FEZ2: variants seen among roughly 807,000 people sequenced by gnomAD.
FEZ2 encodes fasciculation and elongation protein zeta-2.
A neutral mutation model predicts 40.4 loss-of-function variants in FEZ2; 51 were observed. That is an observed-to-expected ratio of 1.26 (90% CI 1.01 to 1.59). The LOEUF (loss-of-function observed/expected upper bound fraction) is 1.59, where lower values mean the gene tolerates loss of function less well. Among genes scored for constraint, FEZ2 ranks in the 40% most tolerant of loss-of-function variants. The probability of loss-of-function intolerance (pLI) is 0.00; values close to 1 mark genes in which losing one functional copy is unlikely to be tolerated. For synonymous variants in FEZ2, 242 were observed against 172.0 expected (o/e 1.41, Z -3.18); for missense variants, 640 against 438.3 (o/e 1.46, Z -4.11).
intron 5 of FEZ2, chr2:36,559,222 A>G (rs1483530026): frequency 6.6e-6 from 1 of 152,248 alleles, no homozygotes; most frequent in Non-Finnish European, 1.5e-5. Context: ...ACTACTTGTA[A>G]AGGCTCACAA....
intron 5 of FEZ2, chr2:36,561,435 G>A (rs1668090664): frequency 6.6e-6 from 1 of 152,204 alleles, no homozygotes; most frequent in African/African-American, 2.4e-5. Context: ...GCTTCCTGGA[G>A]AGCAGAGTGG....
chr2:36,587,334 T>C (rs191283217), intron 2 of FEZ2, among the ~76,000 whole-genome samples: 58 of 152,328 alleles, frequency 3.8e-4, no homozygotes, highest in Non-Finnish European at 6.6e-4. Context: ...CTGGCTGTCA[T>C]GGGTATCATT....
intron 1 of FEZ2, among the ~76,000 whole-genome samples, chr2:36,593,876 C>T (rs1016274273): frequency 6.6e-6 from 1 of 151,526 alleles, no homozygotes; most frequent in Non-Finnish European, 1.5e-5. Flanking sequence ...AGTCAGGCTG[C>T]AAATTTTCCA....
chr2:36,574,508 T>C (rs970602837), intron 5 of FEZ2, among the ~76,000 whole-genome samples: 2 of 151,150 alleles, frequency 1.3e-5, no homozygotes, highest in Non-Finnish European at 2.9e-5. Context: ...GATACAACAG[T>C]GATAATAGAA....
intron 7 of FEZ2, chr2:36,554,169 C>T (rs1667894915): frequency 2.1e-6 from 1 of 470,806 alleles, no homozygotes; most frequent in Non-Finnish European, 4.4e-6. Context: ...ACTGGGCTTA[C>T]AGACAGGAGC....
At chr2:36,581,265 C>T in intron 4 of FEZ2, 25 bp downstream of exon 4, 1 of 1,606,590 alleles carries the variant, frequency 6.2e-7, no homozygotes, top group Non-Finnish European at 8.5e-7. Flanking sequence ...GCACAGAAAT[C>T]ATTGATTTCA....
Position 36,583,389 on chromosome 2 carries a change from G to A in FEZ2, c.456C>T (p.Ser152=), listed in dbSNP as rs751241128. Residue 152 remains serine, a synonymous_variant, in exon 3 of 8, where the codon TCC becomes TCT. Transcript: ENST00000405912. ...EQLDMHSIIV[S]CVNDEPLFTA... ...TGAAGAGGGGTTCATCATTAACACAGGAGACGATGATTGAGTGCATATCCA... is the reference window on the plus strand; with the variant it reads ...TGAAGAGGGGTTCATCATTAACACAAGAGACGATGATTGAGTGCATATCCA... 6.9e-6 allele frequency: 11 copies of A among 1,604,342 alleles called. 1 individual carries two copies. The South Asian group carries it at 8.8e-5, about 13-fold the overall frequency.
chr2:36,559,023 G>C (rs1668026920), intron 5 of FEZ2: 1 of 152,188 alleles, frequency 6.6e-6, no homozygotes, highest in South Asian at 2.1e-4. Flanking sequence ...ACACACACTA[G>C]CTTCTTTCAG....
chr2:36,595,096 C>A (rs1202605675), intron 1 of FEZ2, among the ~76,000 whole-genome samples: 3 of 152,144 alleles, frequency 2.0e-5, no homozygotes, highest in African/African-American at 7.2e-5. Flanking sequence ...CTGCAGAATA[C>A]TCTTATAAGT....
At chr2:36,563,559 GT>G (rs1260595719) in intron 5 of FEZ2, among the ~76,000 whole-genome samples, 2 of 150,256 alleles carry the variant, frequency 1.3e-5, no homozygotes, top group Non-Finnish European at 1.5e-5. Flanking sequence ...GTCTGAGAAC[GT>G]GCTCCTATCA....
intron 2 of FEZ2, among the ~76,000 whole-genome samples, chr2:36,585,926 C>G (rs1461209735): frequency 6.6e-6 from 1 of 152,222 alleles, no homozygotes; most frequent in South Asian, 2.1e-4. Context: ...AGCATGTTAT[C>G]TGCTAAAAGA....
chr2:36,563,236 G>T (rs914610599), intron 5 of FEZ2, among the ~76,000 whole-genome samples: 10 of 152,194 alleles, frequency 6.6e-5, no homozygotes, highest in African/African-American at 2.4e-4. Context: ...AGGCTTAGGG[G>T]AAATTAGTGA....
chr2:36,558,602 A>G, intron 5 of FEZ2, 89 bp from the exon 6 acceptor site: 2 of 643,084 alleles, frequency 3.1e-6, no homozygotes, highest in Middle Eastern at 3.0e-4. Context: ...GGTCTATCTG[A>G]TAATATAAAA....
rs534997296 is a variant in FEZ2 at position 36,582,167 on chromosome 2, G to A, written c.493-736C>T. On this transcript the variant is annotated intron_variant, in intron 3 of 7. Coordinates refer to ENST00000405912, the MANE Select transcript of FEZ2 (RefSeq NM_005102.3). Reference sequence around the variant, plus strand: ...AAAGTTGAGAAGGATATAGAACTCAGCGAAAATGTAAAGGAAACCCAGGAA... The same window carrying A: ...AAAGTTGAGAAGGATATAGAACTCAACGAAAATGTAAAGGAAACCCAGGAA... Among the ~76,000 whole-genome samples, 78 of 151,696 alleles carry A rather than the reference G, an allele frequency of 5.1e-4. 1 individual carries two copies. The South Asian group carries it at 0.016, about 31-fold the overall frequency.
chr2:36,579,526 G>T (rs1440209877), intron 4 of FEZ2, among the ~76,000 whole-genome samples: 2 of 151,892 alleles, frequency 1.3e-5, no homozygotes, highest in Non-Finnish European at 2.9e-5. Flanking sequence ...ATGAGACCTG[G>T]TTGTTTAAAA....
chr2:36,581,473 G>A, intron 3 of FEZ2, 42 bp from the exon 4 acceptor site: 1 of 1,589,312 alleles, frequency 6.3e-7, no homozygotes, highest in Non-Finnish European at 8.6e-7. Context: ...ATATACAAAA[G>A]GAAAATGATC....
At chr2:36,578,542 G>C (rs1357111754) in intron 5 of FEZ2, 55 bp downstream of exon 5, 2 of 1,559,324 alleles carry the variant, frequency 1.3e-6, no homozygotes, top group African/African-American at 1.4e-5. Flanking sequence ...CAAAGGCTGG[G>C]ACTACCACAG....
chr2:36,563,914 C>G (rs759615892), intron 5 of FEZ2, among the ~76,000 whole-genome samples: 1 of 152,204 alleles, frequency 6.6e-6, no homozygotes, highest in Non-Finnish European at 1.5e-5. Flanking sequence ...AGAGGGGCCA[C>G]TTTCTTCACT....
rs558355421 is a variant in FEZ2 at position 36,594,363 on chromosome 2, G to A, written c.267-3352C>T. On this transcript the variant is annotated intron_variant, in intron 1 of 7. Transcript: ENST00000405912. ...TATATTAGGTTATTTTCATGCAGCTGATAAAGACATACCCGAGACTGGGAA... is the reference window on the plus strand; with the variant it reads ...TATATTAGGTTATTTTCATGCAGCTAATAAAGACATACCCGAGACTGGGAA... 12 of 160,540 alleles carry A rather than the reference G, an allele frequency of 7.5e-5. No individual in the cohort carries two copies. In the South Asian group the frequency reaches 2.3e-3, roughly 30 times the overall value. The allele number at this position is 160,540 out of a possible 1,614,324, so 9.9% of individuals were successfully genotyped here.
Sources: gnomAD v4.1 joint callset for allele counts (sites outside exome capture counted in the v4.1 genomes callset) on GRCh38, gnomAD v4.1.1 for gene constraint, MANE v1.5 for transcripts, NCBI Gene and HGNC (gene_info 2026-07-23, HGNC 2026-07-21) for gene names.